Variants in CACNA1C observed in about 807,000 individuals in gnomAD.
The protein encoded by CACNA1C is voltage-dependent L-type calcium channel subunit alpha-1C.
Under a neutral mutation model 229.0 loss-of-function variants are expected in CACNA1C, and 30 were observed. The ratio of observed to expected loss-of-function variants is 0.13; its 90% CI spans 0.10 to 0.18. CACNA1C has a LOEUF of 0.18. CACNA1C is among the 10% of genes least tolerant of loss of function. CACNA1C has a pLI of 1.00. For missense variants in CACNA1C, 1,658 were observed against 2,845.0 expected, an observed-to-expected ratio of 0.58 and a Z score of 9.49; for synonymous variants, 1,114 against 1,132.5, an observed-to-expected ratio of 0.98 and a Z score of 0.33.
At chr12:2,162,789 A>G (rs1423202563) in intron 3 of CACNA1C, among the ~76,000 whole-genome samples, 3 of 152,118 alleles carry the variant, frequency 2.0e-5, no homozygotes, top group Non-Finnish European at 4.4e-5. Flanking sequence ...ATTGACATCC[A>G]TGCCCTAAAC....
chr12:2,251,823 C>T (rs2075705962), intron 3 of CACNA1C, among the ~76,000 whole-genome samples: 1 of 152,162 alleles, frequency 6.6e-6, no homozygotes, highest in Non-Finnish European at 1.5e-5. Flanking sequence ...AGAGGTGGGG[C>T]TGAGGATGGA....
intron 3 of CACNA1C, among the ~76,000 whole-genome samples, chr12:2,213,283 A>AT (rs1301657287): frequency 2.0e-5 from 3 of 152,076 alleles, no homozygotes; most frequent in East Asian, 3.9e-4. Context: ...CCTCCCAGGG[A>AT]TTTTTTTACT....
At chr12:2,076,082 G>C (rs149189978) in intron 1 of CACNA1C, among the ~76,000 whole-genome samples, 1 of 152,222 alleles carries the variant, frequency 6.6e-6, no homozygotes, top group African/African-American at 2.4e-5. Flanking sequence ...TTTCATTATC[G>C]GTTTGGAATT....
At chr12:2,615,413 A>G (rs1474704162) in intron 29 of CACNA1C, among the ~76,000 whole-genome samples, 1 of 152,268 alleles carries the variant, frequency 6.6e-6, no homozygotes, top group African/African-American at 2.4e-5. Context: ...TACAGAGAAA[A>G]TGATAAAATT....
At chr12:2,262,700 G>T (rs2080781488) in intron 3 of CACNA1C, among the ~76,000 whole-genome samples, 1 of 152,210 alleles carries the variant, frequency 6.6e-6, no homozygotes, top group Non-Finnish European at 1.5e-5. Flanking sequence ...TGGAGGCTGT[G>T]TCTAAAATAT....
At chr12:2,431,902 A>G (rs1172816598) in intron 3 of CACNA1C, among the ~76,000 whole-genome samples, 1 of 152,026 alleles carries the variant, frequency 6.6e-6, no homozygotes, top group East Asian at 1.9e-4. Context: ...CCATTCCCTC[A>G]CCTACCACAA....
chr12:2,340,956 C>CAAA (rs140720432), intron 3 of CACNA1C, among the ~76,000 whole-genome samples: 3 of 144,384 alleles, frequency 2.1e-5, no homozygotes, highest in African/African-American at 7.7e-5. Context: ...GACTCCGTCT[C>CAAA]AAAAAAGAAA....
chr12:2,529,705 C>G (rs2099836349), intron 9 of CACNA1C, among the ~76,000 whole-genome samples: 1 of 152,224 alleles, frequency 6.6e-6, no homozygotes, highest in South Asian at 2.1e-4. Flanking sequence ...GTCAACATTT[C>G]TTTTTCACTT....
chr12:2,111,387 G>A (rs1047485229), intron 1 of CACNA1C, among the ~76,000 whole-genome samples: 3 of 152,276 alleles, frequency 2.0e-5, no homozygotes, highest in Admixed American at 6.5e-5. Context: ...CTCCCCTCAC[G>A]CAGCTTTTCT....
intron 3 of CACNA1C, among the ~76,000 whole-genome samples, chr12:2,210,002 AAGAG>A (rs1226296970): frequency 6.6e-6 from 1 of 152,162 alleles, no homozygotes; most frequent in East Asian, 1.9e-4. Flanking sequence ...GGAAGGAGGG[AAGAG>A]AGAGAGATTG....
Position 2,692,107 on chromosome 12 carries a change from T to A in CACNA1C, c.*908T>A, listed in dbSNP as rs2097795736. ...TCTTGTATTATTTAAACGGTTGTGGTTTCCTTTTTCCACGGAGGTTCAATA... is the reference window on the plus strand; with the variant it reads ...TCTTGTATTATTTAAACGGTTGTGGATTCCTTTTTCCACGGAGGTTCAATA... On this transcript the variant is annotated 3_prime_UTR_variant, in exon 47 of 47. Transcript: ENST00000399655. The A allele has an allele frequency of 6.6e-6, 1 of 152,226 alleles. No homozygotes were observed. Among genetic ancestry groups the A allele is most frequent in the South Asian group, 2.1e-4 (1 of 4,830 alleles). The allele number at this position is 152,226 out of a possible 1,614,324, so 9.4% of individuals were successfully genotyped here. A position where few individuals can be genotyped will look rare whatever the true frequency, so the allele number is the denominator to read the frequency against.
intron 7 of CACNA1C, among the ~76,000 whole-genome samples, chr12:2,501,864 G>C (rs1322743686): frequency 6.6e-6 from 1 of 152,218 alleles, no homozygotes; most frequent in Non-Finnish European, 1.5e-5. Flanking sequence ...ATGCTCTTTT[G>C]CTGGATATTT....
chr12:1,992,388 A>G (rs1181637157), intron 1 of CACNA1C: 1 of 153,336 alleles, frequency 6.5e-6, no homozygotes, highest in Non-Finnish European at 1.5e-5. Flanking sequence ...TACACTGAAT[A>G]GTATATGGTA....
intron 1 of CACNA1C, among the ~76,000 whole-genome samples, chr12:2,104,672 GT>G (rs1045578902): frequency 2.7e-4 from 41 of 152,278 alleles, no homozygotes; most frequent in Non-Finnish European, 1.6e-4. Context: ...AATGCTTCCA[GT>G]TTTTGCCCAT....
At chr12:2,345,163 G>A (rs2096975608) in intron 3 of CACNA1C, among the ~76,000 whole-genome samples, 1 of 151,706 alleles carries the variant, frequency 6.6e-6, no homozygotes, top group Non-Finnish European at 1.5e-5. Flanking sequence ...CCCTCTGAGA[G>A]TAGGAAGAGG....
At chr12:2,238,745 G>A (rs868135246) in intron 3 of CACNA1C, among the ~76,000 whole-genome samples, 6 of 152,186 alleles carry the variant, frequency 3.9e-5, no homozygotes, top group Non-Finnish European at 2.9e-5. Context: ...GAGAAGCAGA[G>A]GATGAGGGCT....
chr12:2,500,327 C>T (rs1000855778), intron 7 of CACNA1C, among the ~76,000 whole-genome samples: 2 of 152,208 alleles, frequency 1.3e-5, no homozygotes, highest in Non-Finnish European at 2.9e-5. Context: ...CTGGAAGCCT[C>T]TCACCTTGTG....
At chr12:2,156,610 A>G (rs927506669) in intron 3 of CACNA1C, among the ~76,000 whole-genome samples, 1 of 152,234 alleles carries the variant, frequency 6.6e-6, no homozygotes, top group African/African-American at 2.4e-5. Context: ...CTGATTTTGC[A>G]GAGGCCTTCT....
intron 3 of CACNA1C, among the ~76,000 whole-genome samples, chr12:2,143,411 G>A (rs1004538453): frequency 6.6e-6 from 1 of 151,194 alleles, no homozygotes; most frequent in Non-Finnish European, 1.5e-5. Context: ...AGTCCTGCAA[G>A]CTCCGTTCAT....
Sources: allele counts gnomAD v4.1 joint callset (sites outside exome capture counted in the v4.1 genomes callset), GRCh38; gene constraint gnomAD v4.1.1; transcripts MANE v1.5; gene names NCBI Gene and HGNC (gene_info 2026-07-23, HGNC 2026-07-21).